ETV2: variants seen among roughly 807,000 people sequenced by gnomAD.
The protein encoded by ETV2 is ETS variant transcription factor 2.
In ETV2, 34 loss-of-function variants were observed where a neutral mutation model predicts 35.7. The ratio of observed to expected loss-of-function variants is 0.95; its 90% CI spans 0.72 to 1.27. The LOEUF (loss-of-function observed/expected upper bound fraction) is 1.27. Ranked by LOEUF, ETV2 falls within the 50% of genes most tolerant of loss-of-function variation. ETV2 has a pLI of 0.00. For missense variants in ETV2, 512 were observed against 470.5 expected (o/e 1.09, Z -0.82); for synonymous variants, 207 against 203.9 (o/e 1.02, Z -0.13).
In ETV2 at chr19:35,643,310, G is replaced by A. The variant is rs907720369; in HGVS notation, c.272G>A (p.Trp91Ter). The A allele has an allele frequency of 6.2e-6, 10 of 1,602,406 alleles. No homozygotes were observed. The highest frequency in any genetic ancestry group is 8.5e-6 in the Non-Finnish European group (10 of 1,176,286). Reference sequence around the variant, plus strand: ...CAGGCTCTTCCGTGGTCCGGGGACTGGACAGACATGGCGTGCACAGCCTGG... The same window carrying A: ...CAGGCTCTTCCGTGGTCCGGGGACTAGACAGACATGGCGTGCACAGCCTGG... ...DSQALPWSGD[W>*]TDMACTAWDS... is the part of the protein sequence containing the mutation. The change falls in exon 5 of 7, where the codon TGG becomes TAG. Residue 91 changes from tryptophan to a stop codon, truncating the protein, a stop_gained. Transcript: ENST00000402764. LOFTEE classifies it high-confidence loss of function. The surrounding 1 kb of genome is among the most constrained non-coding windows in gnomAD (Gnocchi z 5.0).
In ETV2 at chr19:35,644,149, G is replaced by A; in HGVS notation, c.716-86G>A. 1.1e-6 allele frequency: 1 copy of A among 937,942 alleles called. No homozygotes were observed. The highest frequency in any genetic ancestry group is 1.7e-6 in the Non-Finnish European group (1 of 594,876). 58.1% of individuals were successfully genotyped at this position (937,942 alleles called of 1,614,324 possible). A position where few individuals can be genotyped will look rare whatever the true frequency, so the allele number is the denominator to read the frequency against. On this transcript the variant is annotated intron_variant, in intron 5 of 6. Transcript: ENST00000402764. This position sits in a 1 kb window ranked among gnomAD's most constrained non-coding sequence, Gnocchi z 4.7. The stretch of plus-strand genomic sequence containing the variant: ...CCCCTTCTCGGGTCCTGGGTCCCGA[G>A]TTGGGAGGACCCGGACCTCTAGATC...
Position 35,643,607 on chromosome 19 carries a change from G to A in ETV2, c.569G>A (p.Cys190Tyr), listed in dbSNP as rs985562603. 9 of 1,608,866 alleles carry A rather than the reference G, an allele frequency of 5.6e-6. No homozygotes were observed. Among genetic ancestry groups the A allele is most frequent in the Admixed American group, 1.7e-5 (1 of 58,958 alleles). ...ISWGGPAGPDCTTSWNPGLHA... is the reference protein window; with the variant it reads ...ISWGGPAGPDYTTSWNPGLHA... ...TGGGGCGGGCCCGCGGGCCCGGACT[G>A]TACCACCTCCTGGAACCCGGGGCTG... The change falls in exon 5 of 7, where the codon TGT (cysteine) becomes TAT (tyrosine). Residue 190 changes from cysteine to tyrosine, a missense_variant. Cys to Tyr is a radical substitution (Grantham distance 194, BLOSUM62 -2). Coordinates refer to ENST00000402764, the MANE Select transcript of ETV2 (RefSeq NM_014209.4). This position sits in a 1 kb window ranked among gnomAD's most constrained non-coding sequence, Gnocchi z 5.0.
chr19:35,643,364 T>C lies in ETV2; in HGVS notation c.326T>C (p.Leu109Pro), dbSNP rs1008490600. ...WDSWSGASQTLGPAPLGPGPI... is the reference protein window; with the variant it reads ...WDSWSGASQTPGPAPLGPGPI... ...TCTTGGAGCGGCGCCTCGCAGACCC[T>C]GGGCCCCGCCCCTCTCGGCCCGGGC... Residue 109 changes from leucine to proline, a missense_variant, in exon 5 of 7, where the codon CTG (leucine) becomes CCG (proline). By Grantham distance (98) the Leu-to-Pro change is moderately conservative (BLOSUM62 -3). Coordinates refer to ENST00000402764, the MANE Select transcript of ETV2 (RefSeq NM_014209.4). The surrounding 1 kb of genome is among the most constrained non-coding windows in gnomAD (Gnocchi z 5.0). The C allele has an allele frequency of 1.3e-6, 2 of 1,575,876 alleles. No homozygotes were observed. Among genetic ancestry groups the C allele is most frequent in the Non-Finnish European group, 8.6e-7 (1 of 1,162,642 alleles).
chr19:35,644,846 A>G lies in ETV2; in HGVS notation c.1023A>G (p.Thr341=). 6.3e-7 allele frequency: 1 copy of G among 1,599,812 alleles called. No homozygotes were observed. The highest frequency in any genetic ancestry group is 8.5e-7 in the Non-Finnish European group (1 of 1,173,338). The change falls in exon 7 of 7, where the codon ACA becomes ACG. Residue 341 remains threonine (T), a synonymous_variant. Transcript: ENST00000402764. This position sits in a 1 kb window ranked among gnomAD's most constrained non-coding sequence, Gnocchi z 4.7. The part of the protein sequence containing the change: ...DCAGGGRGAE[T]Q ...CGGGAGGCGGACGGGGAGCAGAGAC[A>G]CAATAAAAATTCCCGGTCAAACCTC...
chr19:35,644,819 T>G lies in ETV2; in HGVS notation c.996T>G (p.Cys332Trp). The G allele has an allele frequency of 6.2e-7, 1 of 1,611,140 alleles. No homozygotes were observed. Among genetic ancestry groups the G allele is most frequent in the Non-Finnish European group, 8.5e-7 (1 of 1,178,740 alleles). The change falls in exon 7 of 7, where the codon TGT (cysteine) becomes TGG (tryptophan). Residue 332 changes from cysteine (C) to tryptophan (W), a missense_variant. By Grantham distance (215) the Cys-to-Trp change is radical (BLOSUM62 -2). Coordinates refer to ENST00000402764, the MANE Select transcript of ETV2 (RefSeq NM_014209.4). The surrounding 1 kb of genome is among the most constrained non-coding windows in gnomAD (Gnocchi z 4.7). ...GRVPSLAYPD[C>W]AGGGRGAETQ Reference sequence around the variant, plus strand: ...TGCCCAGCCTAGCCTATCCGGACTGTGCGGGAGGCGGACGGGGAGCAGAGA... The same window carrying G: ...TGCCCAGCCTAGCCTATCCGGACTGGGCGGGAGGCGGACGGGGAGCAGAGA...
chr19:35,643,821 G>C lies in ETV2; in HGVS notation c.715+68G>C, dbSNP rs1332182316. 7 of 1,599,900 alleles carry C rather than the reference G, an allele frequency of 4.4e-6. No individual in the cohort carries two copies. Among genetic ancestry groups the C allele is most frequent in the Non-Finnish European group, 5.1e-6 (6 of 1,175,994 alleles). On this transcript the variant is annotated intron_variant, in intron 5 of 6. Transcript: ENST00000402764. The surrounding 1 kb of genome is among the most constrained non-coding windows in gnomAD (Gnocchi z 5.0). ...CCTGAGCCGGGACCCAGGCACCTAAGGGGGCGGGGCCCGGGAGACTGACAG... is the reference window on the plus strand; with the variant it reads ...CCTGAGCCGGGACCCAGGCACCTAACGGGGCGGGGCCCGGGAGACTGACAG...
At position 35,644,812 on chromosome 19, in the gene ETV2, C is replaced by A; in HGVS notation, c.989C>A (p.Pro330Gln). Residue 330 changes from proline (P) to glutamine (Q), a missense_variant, in exon 7 of 7, where the codon CCG becomes CAG. Transcript: ENST00000402764. This position sits in a 1 kb window ranked among gnomAD's most constrained non-coding sequence, Gnocchi z 4.7. ...FGGRVPSLAY[P>Q]DCAGGGRGAE... ...GGCCGCGTGCCCAGCCTAGCCTATC[C>A]GGACTGTGCGGGAGGCGGACGGGGA... The A allele has an allele frequency of 6.2e-7, 1 of 1,611,326 alleles. No individual in the cohort carries two copies. The highest frequency in any genetic ancestry group is 8.5e-7 in the Non-Finnish European group (1 of 1,178,806).
At position 35,643,380 on chromosome 19, in the gene ETV2, C is replaced by A; in HGVS notation, c.342C>A (p.Leu114=). Residue 114 remains leucine (L), a synonymous_variant, in exon 5 of 7, where the codon CTC becomes CTA. Coordinates refer to ENST00000402764, the MANE Select transcript of ETV2 (RefSeq NM_014209.4). The surrounding 1 kb of genome is among the most constrained non-coding windows in gnomAD (Gnocchi z 5.0). ...CGCAGACCCTGGGCCCCGCCCCTCT[C>A]GGCCCGGGCCCCATCCCCGCCGCCG... ...GASQTLGPAP[L]GPGPIPAAGS... 2 of 1,557,936 alleles carry A rather than the reference C, an allele frequency of 1.3e-6. No homozygotes were observed. Among genetic ancestry groups the A allele is most frequent in the South Asian group, 2.4e-5 (2 of 85,088 alleles).
chr19:35,643,423 G>T lies in ETV2; in HGVS notation c.385G>T (p.Gly129Cys). 1 of 1,546,176 alleles carries T rather than the reference G, an allele frequency of 6.5e-7. No individual in the cohort carries two copies. The highest frequency in any genetic ancestry group is 8.7e-7 in the Non-Finnish European group (1 of 1,145,494). The change falls in exon 5 of 7, where the codon GGC (glycine) becomes TGC (cysteine). Residue 129 changes from glycine (G) to cysteine (C), a missense_variant. Coordinates refer to ENST00000402764, the MANE Select transcript of ETV2 (RefSeq NM_014209.4). The surrounding 1 kb of genome is among the most constrained non-coding windows in gnomAD (Gnocchi z 5.0). ...CGCCGCCGGCTCCGAAGGCGCCGCG[G>T]GCCAGAACTGCGTCCCCGTGGCGGG... is the stretch of plus-strand genomic sequence containing the variant. Reference protein sequence around the residue: ...IPAAGSEGAAGQNCVPVAGEA... With the variant: ...IPAAGSEGAACQNCVPVAGEA...
In ETV2 at chr19:35,643,335, G is replaced by C. The variant is rs766344019; in HGVS notation, c.297G>C (p.Trp99Cys). 6.3e-7 allele frequency: 1 copy of C among 1,598,702 alleles called. No homozygotes were observed. Among genetic ancestry groups the C allele is most frequent in the Non-Finnish European group, 8.5e-7 (1 of 1,174,314 alleles). Reference sequence around the variant, plus strand: ...GGACAGACATGGCGTGCACAGCCTGGGACTCTTGGAGCGGCGCCTCGCAGA... The same window carrying C: ...GGACAGACATGGCGTGCACAGCCTGCGACTCTTGGAGCGGCGCCTCGCAGA... ...GDWTDMACTA[W>C]DSWSGASQTL... is the part of the protein sequence containing the mutation. The change falls in exon 5 of 7, where the codon TGG (tryptophan) becomes TGC (cysteine). Residue 99 changes from tryptophan to cysteine, a missense_variant. Transcript: ENST00000402764. This position sits in a 1 kb window ranked among gnomAD's most constrained non-coding sequence, Gnocchi z 5.0.
rs1178319719 is a variant in ETV2, at chr19:35,643,446, G to A, written c.408G>A (p.Ala136=). ...CGGGCCAGAACTGCGTCCCCGTGGC[G>A]GGAGAGGCCACCTCGTGGTCGCGCG... is the stretch of plus-strand genomic sequence containing the variant. ...GAAGQNCVPV[A]GEATSWSRAQ... The change falls in exon 5 of 7, where the codon GCG becomes GCA. Residue 136 remains alanine, a synonymous_variant. Coordinates refer to ENST00000402764, the MANE Select transcript of ETV2 (RefSeq NM_014209.4). This position sits in a 1 kb window ranked among gnomAD's most constrained non-coding sequence, Gnocchi z 5.0. The A allele has an allele frequency of 1.3e-6, 2 of 1,546,596 alleles. No homozygotes were observed. Among genetic ancestry groups the A allele is most frequent in the Admixed American group, 2.0e-5 (1 of 50,574 alleles).
At position 35,643,425 on chromosome 19, in the gene ETV2, C is replaced by T. The variant is rs1267361015; in HGVS notation, c.387C>T (p.Gly129=). Residue 129 remains glycine (G), a synonymous_variant, in exon 5 of 7, where the codon GGC becomes GGT. Coordinates refer to ENST00000402764, the MANE Select transcript of ETV2 (RefSeq NM_014209.4). This position sits in a 1 kb window ranked among gnomAD's most constrained non-coding sequence, Gnocchi z 5.0. The part of the protein sequence containing the change: ...IPAAGSEGAA[G]QNCVPVAGEA... The stretch of plus-strand genomic sequence containing the variant: ...CCGCCGGCTCCGAAGGCGCCGCGGG[C>T]CAGAACTGCGTCCCCGTGGCGGGAG... 2 of 1,546,282 alleles carry T rather than the reference C, an allele frequency of 1.3e-6. No individual in the cohort carries two copies. The highest frequency in any genetic ancestry group is 1.4e-5 in the African/African-American group (1 of 72,882).
Position 35,644,643 on chromosome 19 carries a change from C to T in ETV2, c.829-9C>T. The T allele has an allele frequency of 6.2e-7, 1 of 1,604,114 alleles. No individual in the cohort carries two copies. Among genetic ancestry groups the T allele is most frequent in the Admixed American group, 1.7e-5 (1 of 58,776 alleles). ...CTTCCCACTCCGACCGAGCGGGCCT[C>T]TGTCCTAGGTGGCTCGGCTGTGGGG... On this transcript the variant is annotated splice_polypyrimidine_tract_variant and intron_variant, in intron 6 of 6. Coordinates refer to ENST00000402764, the MANE Select transcript of ETV2 (RefSeq NM_014209.4). The surrounding 1 kb of genome is among the most constrained non-coding windows in gnomAD (Gnocchi z 4.7).
At position 35,642,579 on chromosome 19, in the gene ETV2, G is replaced by A. The variant is rs1418676540; in HGVS notation, c.71-36G>A. 6 of 1,612,972 alleles carry A rather than the reference G, an allele frequency of 3.7e-6. No homozygotes were observed. Among genetic ancestry groups the A allele is most frequent in the Non-Finnish European group, 5.1e-6 (6 of 1,179,554 alleles). On this transcript the variant is annotated intron_variant, in intron 2 of 6. Coordinates refer to ENST00000402764, the MANE Select transcript of ETV2 (RefSeq NM_014209.4). The surrounding 1 kb of genome is among the most constrained non-coding windows in gnomAD (Gnocchi z 4.4). The stretch of plus-strand genomic sequence containing the variant: ...CGTGTGTGGGGAGGGTGTCCAGGTG[G>A]GGCCTCTGCTGACCCTAACCCCTTA...
Position 35,642,872 on chromosome 19 carries a change from G to A in ETV2, c.155-93G>A, listed in dbSNP as rs547700326. On this transcript the variant is annotated intron_variant, in intron 3 of 6. Transcript: ENST00000402764. This position sits in a 1 kb window ranked among gnomAD's most constrained non-coding sequence, Gnocchi z 4.4. ...GCGCGGGGTGCTGAAATACGGGCTG[G>A]GGGGCCATAACTCCCAGTCCCTGAC... 4.8e-5 allele frequency: 48 copies of A among 996,660 alleles called. 1 individual carries two copies. The Middle Eastern group carries it at 8.2e-4, about 17-fold the overall frequency. 61.7% of individuals were successfully genotyped at this position (996,660 alleles called of 1,614,324 possible).
Position 35,642,281 on chromosome 19 carries a change from T to C in ETV2, c.-28+125T>C. The stretch of plus-strand genomic sequence containing the variant: ...AACAGAGGAAGAGAGCTGGGGTCCC[T>C]CACTCCCAGGACCAAGATTTTAGGC... On this transcript the variant is annotated intron_variant, in intron 1 of 6. Coordinates refer to ENST00000402764, the MANE Select transcript of ETV2 (RefSeq NM_014209.4). The surrounding 1 kb of genome is among the most constrained non-coding windows in gnomAD (Gnocchi z 4.4). 1.8e-6 allele frequency: 1 copy of C among 555,024 alleles called. No homozygotes were observed. The highest frequency in any genetic ancestry group is 4.1e-4 in the Middle Eastern group (1 of 2,458). 34.4% of individuals were successfully genotyped at this position (555,024 alleles called of 1,614,324 possible). A position where few individuals can be genotyped will look rare whatever the true frequency, so the allele number is the denominator to read the frequency against.
Position 35,642,669 on chromosome 19 carries a change from C to A in ETV2, c.125C>A (p.Pro42Gln). ...FPDLALQGDT[P>Q]TATAETCWKG... Reference sequence around the variant, plus strand: ...GATCTGGCACTCCAAGGGGACACGCCGACAGCGACAGCAGAGACATGCTGG... The same window carrying A: ...GATCTGGCACTCCAAGGGGACACGCAGACAGCGACAGCAGAGACATGCTGG... The change falls in exon 3 of 7, where the codon CCG (proline) becomes CAG (glutamine). Residue 42 changes from proline to glutamine, a missense_variant. Pro to Gln is a moderately conservative substitution (Grantham distance 76). Transcript: ENST00000402764. The surrounding 1 kb of genome is among the most constrained non-coding windows in gnomAD (Gnocchi z 4.4). 6.2e-7 allele frequency: 1 copy of A among 1,603,076 alleles called. No individual in the cohort carries two copies.
chr19:35,643,389 C>G lies in ETV2; in HGVS notation c.351C>G (p.Gly117=). 1.3e-6 allele frequency: 2 copies of G among 1,551,920 alleles called. No individual in the cohort carries two copies. The highest frequency in any genetic ancestry group is 2.4e-5 in the South Asian group (2 of 84,586). ...QTLGPAPLGP[G]PIPAAGSEGA... ...TGGGCCCCGCCCCTCTCGGCCCGGG[C>G]CCCATCCCCGCCGCCGGCTCCGAAG... Residue 117 remains glycine, a synonymous_variant, in exon 5 of 7, where the codon GGC becomes GGG. Coordinates refer to ENST00000402764, the MANE Select transcript of ETV2 (RefSeq NM_014209.4). This position sits in a 1 kb window ranked among gnomAD's most constrained non-coding sequence, Gnocchi z 5.0.
chr19:35,644,797 C>G lies in ETV2; in HGVS notation c.974C>G (p.Pro325Arg). 6.2e-7 allele frequency: 1 copy of G among 1,611,580 alleles called. No individual in the cohort carries two copies. Among genetic ancestry groups the G allele is most frequent in the Non-Finnish European group, 8.5e-7 (1 of 1,179,132 alleles). Residue 325 changes from proline to arginine, a missense_variant, in exon 7 of 7, where the codon CCC becomes CGC. Physicochemically the swap from Pro to Arg is moderately radical, Grantham distance 103. Coordinates refer to ENST00000402764, the MANE Select transcript of ETV2 (RefSeq NM_014209.4). This position sits in a 1 kb window ranked among gnomAD's most constrained non-coding sequence, Gnocchi z 4.7. ...KYTYRFGGRV[P>R]SLAYPDCAGG... ...ACGTACCGCTTCGGGGGCCGCGTGC[C>G]CAGCCTAGCCTATCCGGACTGTGCG...
Sources: allele counts gnomAD v4.1 joint callset, GRCh38; gene constraint gnomAD v4.1.1; non-coding constraint Gnocchi (gnomAD v3.1); transcripts MANE v1.5; gene names NCBI Gene and HGNC (gene_info 2026-07-23, HGNC 2026-07-21).